EYS: variants seen among roughly 807,000 people sequenced by gnomAD.
EYS encodes protein eyes shut homolog.
A neutral mutation model predicts 282.1 loss-of-function variants in EYS; 250 were observed. The observed-to-expected ratio is 0.89, with a 90% CI of 0.80 to 0.98. EYS has a LOEUF of 0.98. EYS is among the 50% of genes least tolerant of loss of function. The pLI, the probability that EYS is intolerant of heterozygous loss-of-function variation, is 0.00. For missense variants in EYS, 4,016 were observed against 3,709.0 expected (o/e 1.08, Z -2.15); for synonymous variants, 1,355 against 1,282.9 (o/e 1.06, Z -1.20).
intron 5 of EYS, among the ~76,000 whole-genome samples, chr6:65,430,801 T>G (rs1767856941): frequency 6.6e-6 from 1 of 152,158 alleles, no homozygotes; most frequent in Non-Finnish European, 1.5e-5. Context: ...CCTGCTGACT[T>G]GCAGGAAAGG....
In EYS at chr6:64,569,414, T is replaced by C. The variant is rs192094319; in HGVS notation, c.5644+20809A>G. 5.3e-4 allele frequency among the ~76,000 whole-genome samples: 80 copies of C among 151,714 alleles called. 2 individuals are homozygous for C. The highest frequency in any genetic ancestry group is 3.4e-3 in the Middle Eastern group (1 of 294). On this transcript the variant is annotated intron_variant, in intron 26 of 42. Transcript: ENST00000503581. ...TATCACAGATTGAAGAACAACTTAATGAAATAAAGCATGAAGACAAGATTA... is the reference window on the plus strand; with the variant it reads ...TATCACAGATTGAAGAACAACTTAACGAAATAAAGCATGAAGACAAGATTA...
At chr6:64,022,099 C>T (rs1323194045) in intron 33 of EYS, among the ~76,000 whole-genome samples, 1 of 152,124 alleles carries the variant, frequency 6.6e-6, no homozygotes, top group African/African-American at 2.4e-5. Context: ...AGTTTAAGTC[C>T]TACAAACAGA....
At chr6:65,129,603 C>T (rs1159928408) in intron 12 of EYS, among the ~76,000 whole-genome samples, 1 of 151,850 alleles carries the variant, frequency 6.6e-6, no homozygotes, top group Non-Finnish European at 1.5e-5. Flanking sequence ...ATATCAAAAC[C>T]ACAATGAGAT....
In EYS at chr6:64,974,239, T is replaced by A. The variant is rs1285016102; in HGVS notation, c.2259+23343A>T. ...TAGATTCTGGCCAAGTTAACCAAAA[T>A]AAAGAAAAGTATGAAAGGGGATATA... is the stretch of plus-strand genomic sequence containing the variant. On this transcript the variant is annotated intron_variant, in intron 14 of 42. Transcript: ENST00000503581. Among the ~76,000 whole-genome samples, 7 of 151,882 alleles carry A rather than the reference T, an allele frequency of 4.6e-5. No homozygotes were observed. The East Asian group carries it at 1.4e-3, about 30-fold the overall frequency.
rs143904593 is a variant in EYS, at chr6:63,953,158, C to T, written c.7055+31225G>A. ...GGTTTTTTCACTATTCCCCTGCACCCCTCATCCCAGCCTGTTTTTGCTTTT... is the reference window on the plus strand; with the variant it reads ...GGTTTTTTCACTATTCCCCTGCACCTCTCATCCCAGCCTGTTTTTGCTTTT... On this transcript the variant is annotated intron_variant, in intron 35 of 42. Transcript: ENST00000503581. Among the ~76,000 whole-genome samples, 748 of 152,204 alleles carry T rather than the reference C, an allele frequency of 4.9e-3. 7 individuals are homozygous for T. The highest frequency in any genetic ancestry group is 0.016 in the African/African-American group (682 of 41,510).
intron 7 of EYS, among the ~76,000 whole-genome samples, chr6:65,386,939 A>C (rs992330890): frequency 1.3e-5 from 2 of 151,838 alleles, no homozygotes; most frequent in African/African-American, 4.8e-5. Flanking sequence ...TTAGTGGTAA[A>C]ATGGGAAATG....
intron 5 of EYS, among the ~76,000 whole-genome samples, chr6:65,407,744 C>CGTGTGTGTGTGTGTGTGT (rs71002305): frequency 6.9e-6 from 1 of 144,124 alleles, no homozygotes; most frequent in South Asian, 2.3e-4. Context: ...CTAATAAGTC[C>CGTGTGTGTGTGTGTGTGT]GTGTGTGTGT....
intron 22 of EYS, among the ~76,000 whole-genome samples, chr6:64,660,498 AG>A (rs1457942001): frequency 6.6e-6 from 1 of 152,140 alleles, no homozygotes; most frequent in Non-Finnish European, 1.5e-5. Context: ...CGATCATCTC[AG>A]CCCAAAATCT....
At chr6:63,983,168 C>A (rs915218063) in intron 35 of EYS, among the ~76,000 whole-genome samples, 7 of 151,622 alleles carry the variant, frequency 4.6e-5, no homozygotes, top group Admixed American at 6.6e-5. Flanking sequence ...AAATCTGTAT[C>A]CATTGTACTT....
chr6:65,113,585 G>T (rs1775282376), intron 12 of EYS, among the ~76,000 whole-genome samples: 1 of 151,948 alleles, frequency 6.6e-6, no homozygotes, highest in African/African-American at 2.4e-5. Context: ...TTTAATTTTT[G>T]AACAAGAATA....
chr6:65,616,015 A>C (rs1408352813), intron 2 of EYS, among the ~76,000 whole-genome samples: 1 of 151,968 alleles, frequency 6.6e-6, no homozygotes, highest in Non-Finnish European at 1.5e-5. Context: ...TCTTGACACA[A>C]AATTGTATCA....
intron 1 of EYS, among the ~76,000 whole-genome samples, chr6:65,651,553 T>G (rs1767652727): frequency 6.6e-6 from 1 of 152,060 alleles, no homozygotes; most frequent in African/African-American, 2.4e-5. Flanking sequence ...CAAACTTAAA[T>G]TTTTAAAAGC....
intron 8 of EYS, among the ~76,000 whole-genome samples, chr6:65,370,383 G>A (rs1355866082): frequency 1.4e-5 from 2 of 147,332 alleles, no homozygotes; most frequent in African/African-American, 2.5e-5. Flanking sequence ...AGCTTCCCAA[G>A]TAGCCAGGAC....
Position 63,872,477 on chromosome 6 carries a change from G to GTTTTT in EYS, c.7056-8124_7056-8120dup, listed in dbSNP as rs3041455. ...CCTACATCCACTATACCTAAATATG[G>GTTTTT]TTTTTTTTTTTTTTTTTTTAGACCT... On this transcript the variant is annotated intron_variant, in intron 35 of 42. Coordinates refer to ENST00000503581, the MANE Select transcript of EYS (RefSeq NM_001142800.2). Among the ~76,000 whole-genome samples the GTTTTT allele has an allele frequency of 7.3e-3, 874 of 119,314 alleles. 44 individuals carry two copies. Among genetic ancestry groups the GTTTTT allele is most frequent in the African/African-American group, 0.017 (499 of 29,886 alleles). The allele number at this position is 119,314 out of a possible 152,430, so 78.3% of individuals were successfully genotyped here.
In EYS at chr6:65,485,713, G is replaced by C. The variant is rs545764591; in HGVS notation, c.862+4881C>G. The stretch of plus-strand genomic sequence containing the variant: ...CAAGCTACTTGGGAGCGTAAGACAG[G>C]CAACTCACTGGAGCTTTGGAGGCGG... On this transcript the variant is annotated intron_variant, in intron 5 of 42. Transcript: ENST00000503581. Among the ~76,000 whole-genome samples the C allele has an allele frequency of 6.6e-5, 10 of 152,238 alleles. 1 individual carries two copies. Among genetic ancestry groups the C allele is most frequent in the African/African-American group, 2.4e-4 (10 of 41,542 alleles).
At chr6:64,959,308 G>A (rs1048573667) in intron 14 of EYS, among the ~76,000 whole-genome samples, 2 of 152,132 alleles carry the variant, frequency 1.3e-5, no homozygotes, top group Non-Finnish European at 2.9e-5. Context: ...TCTGTGTTTT[G>A]CATTGTAGAA....
At chr6:64,864,385 C>CTGTTTTTTTT (rs1766348749) in intron 19 of EYS, among the ~76,000 whole-genome samples, 1 of 57,166 alleles carries the variant, frequency 1.7e-5, no homozygotes, top group African/African-American at 5.9e-5. Flanking sequence ...GCTATACCTT[C>CTGTTTTTTTT]TTTTTTTTTT....
intron 15 of EYS, among the ~76,000 whole-genome samples, chr6:64,913,334 G>A (rs1440458152): frequency 6.6e-6 from 1 of 151,988 alleles, no homozygotes; most frequent in African/African-American, 2.4e-5. Flanking sequence ...TGTAGTTTGG[G>A]CTTTTGTTGA....
chr6:64,285,052 A>G (rs905227776), intron 30 of EYS, among the ~76,000 whole-genome samples: 15 of 152,344 alleles, frequency 9.8e-5, no homozygotes, highest in African/African-American at 3.6e-4. Flanking sequence ...AAATACCTGC[A>G]GCCAGCTTGA....
Sources: allele counts gnomAD v4.1 joint callset (sites outside exome capture counted in the v4.1 genomes callset), GRCh38; gene constraint gnomAD v4.1.1; transcripts MANE v1.5; gene names NCBI Gene and HGNC (gene_info 2026-07-23, HGNC 2026-07-21).